PATJ: variants seen among roughly 807,000 people sequenced by gnomAD.
PATJ encodes the protein PATJ crumbs cell polarity complex component.
In PATJ, 190 loss-of-function variants were observed where a neutral mutation model predicts 224.9. The observed-to-expected ratio is 0.84, with a 90% CI of 0.75 to 0.95. The LOEUF (loss-of-function observed/expected upper bound fraction) is 0.95, where lower values mean the gene tolerates loss of function less well. Among genes scored for constraint, PATJ ranks in the 40% least tolerant of loss-of-function variants. The pLI is 0.00. For synonymous variants in PATJ, 769 were observed against 820.3 expected (o/e 0.94, Z 1.07); for missense variants, 2,121 against 2,270.3 (o/e 0.93, Z 1.34).
chr1:61,794,361 C>G (rs988716192), intron 9 of PATJ, among the ~76,000 whole-genome samples: 1 of 151,448 alleles, frequency 6.6e-6, no homozygotes, highest in Non-Finnish European at 1.5e-5. Context: ...CCCAGGCTGG[C>G]CTCAAAGTCC....
At chr1:61,958,993 A>G (rs1052799833) in intron 27 of PATJ, among the ~76,000 whole-genome samples, 1 of 152,148 alleles carries the variant, frequency 6.6e-6, no homozygotes, top group African/African-American at 2.4e-5. Flanking sequence ...TCAGTCCATA[A>G]AGAGTCCAAA....
chr1:62,093,642 A>C (rs1661044679), intron 33 of PATJ, among the ~76,000 whole-genome samples: 1 of 152,242 alleles, frequency 6.6e-6, no homozygotes, highest in African/African-American at 2.4e-5. Flanking sequence ...AATGAATAGT[A>C]CCTTTGAATT....
intron 33 of PATJ, among the ~76,000 whole-genome samples, chr1:62,085,981 A>G (rs1429758159): frequency 6.6e-6 from 1 of 151,398 alleles, no homozygotes; most frequent in African/African-American, 2.4e-5. Context: ...ATTGTTTTTT[A>G]TTTTTTTAAA....
intron 7 of PATJ, among the ~76,000 whole-genome samples, chr1:61,782,644 G>A (rs1647581615): frequency 6.6e-6 from 1 of 152,102 alleles, no homozygotes; most frequent in Admixed American, 6.6e-5. Context: ...AATATAATCA[G>A]GCCAATTCCA....
At chr1:61,803,321 C>T (rs1341996126) in intron 12 of PATJ, among the ~76,000 whole-genome samples, 1 of 151,792 alleles carries the variant, frequency 6.6e-6, no homozygotes, top group Non-Finnish European at 1.5e-5. Context: ...TTTTTTTTTA[C>T]TAATCAAAGT....
chr1:61,936,231 TATAC>T (rs59441209), intron 27 of PATJ, among the ~76,000 whole-genome samples: 6,428 of 150,954 alleles, frequency 0.043, 501 homozygotes, highest in African/African-American at 0.15. Flanking sequence ...ATAAAATATA[TATAC>T]ATATATATTT....
At chr1:61,805,666 C>T in intron 13 of PATJ, 142 bp downstream of exon 13, 1 of 590,782 alleles carries the variant, frequency 1.7e-6, no homozygotes. Context: ...CCTAGTGGAT[C>T]AATCGATTTT....
At chr1:61,997,707 AGTT>A (rs1268123014) in intron 28 of PATJ, among the ~76,000 whole-genome samples, 2 of 151,948 alleles carry the variant, frequency 1.3e-5, no homozygotes, top group Admixed American at 6.6e-5. Context: ...ATCCAGTACT[AGTT>A]TAAAACACCC....
At chr1:61,997,999 ATATAT>A (rs796425466) in intron 28 of PATJ, among the ~76,000 whole-genome samples, 1 of 99,040 alleles carries the variant, frequency 1.0e-5, no homozygotes, top group East Asian at 3.5e-4. Flanking sequence ...TGTATATATA[ATATAT>A]TATATATATT....
intron 35 of PATJ, among the ~76,000 whole-genome samples, chr1:62,115,239 G>A (rs1437903679): frequency 6.6e-6 from 1 of 152,138 alleles, no homozygotes; most frequent in Non-Finnish European, 1.5e-5. Flanking sequence ...GAACTTGGGA[G>A]GTGGAGGTTG....
At chr1:61,826,557 AC>A (rs1465736028) in intron 15 of PATJ, among the ~76,000 whole-genome samples, 20 of 152,190 alleles carry the variant, frequency 1.3e-4, no homozygotes. Context: ...AACTGACAGG[AC>A]CCTTTGAGCT....
chr1:62,106,158 G>GTGTGTGTATATATATATATATA (rs1356937495), intron 33 of PATJ, among the ~76,000 whole-genome samples: 1 of 48,064 alleles, frequency 2.1e-5, no homozygotes, highest in Non-Finnish European at 4.4e-5. Flanking sequence ...GTGTGTGTGT[G>GTGTGTGTATATATATATATATA]TATATATATA....
Position 62,148,316 on chromosome 1 carries a change from A to C in PATJ, c.5304A>C (p.Ala1768=), listed in dbSNP as rs756962079. 6.2e-7 allele frequency: 1 copy of C among 1,613,908 alleles called. No homozygotes were observed. Among genetic ancestry groups the C allele is most frequent in the African/African-American group, 1.3e-5 (1 of 74,972 alleles). ...CAGATACCAATATAAGCGCCATAGC[A>C]GCTCAGCTTGAAAACATGTCTACAG... ...VVADTNISAI[A]AQLENMSTGY... Residue 1768 remains alanine, a synonymous_variant, in exon 42 of 44, where the codon GCA becomes GCC. Coordinates refer to ENST00000642238, the MANE Select transcript of PATJ (RefSeq NM_001350145.3).
chr1:61,795,098 G>GTT (rs199829855), intron 9 of PATJ, among the ~76,000 whole-genome samples: 1 of 94,582 alleles, frequency 1.1e-5, no homozygotes, highest in African/African-American at 4.0e-5. Context: ...CATAGTGATG[G>GTT]TAAAAAAAAA....
At chr1:62,133,912 A>T (rs1204378901) in intron 41 of PATJ, among the ~76,000 whole-genome samples, 1 of 151,802 alleles carries the variant, frequency 6.6e-6, no homozygotes, top group Non-Finnish European at 1.5e-5. Context: ...ATGCCCGGCT[A>T]ATTTTTGTAT....
At chr1:62,089,764 C>A (rs1257475431) in intron 33 of PATJ, among the ~76,000 whole-genome samples, 2 of 151,574 alleles carry the variant, frequency 1.3e-5, no homozygotes, top group Non-Finnish European at 2.9e-5. Flanking sequence ...GGGATGGCAT[C>A]CAGCTAGCAG....
intron 28 of PATJ, among the ~76,000 whole-genome samples, chr1:61,997,858 C>G (rs1212328669): frequency 6.8e-6 from 1 of 147,474 alleles, no homozygotes; most frequent in Non-Finnish European, 1.5e-5. Context: ...GCTCTGTCAC[C>G]CAGGCTGGGG....
intron 10 of PATJ, among the ~76,000 whole-genome samples, chr1:61,796,680 TTCTTTC>T (rs201240106): frequency 0.099 from 3,949 of 39,862 alleles, 104 homozygotes; most frequent in East Asian, 0.21. Flanking sequence ...CTTTCTTTCT[TTCTTTC>T]TTTCTTTCTT....
chr1:61,811,814 C>A lies in PATJ; in HGVS notation c.1683+3284C>A, dbSNP rs1226866246. Among the ~76,000 whole-genome samples the A allele has an allele frequency of 2.0e-5, 3 of 151,122 alleles. No individual in the cohort carries two copies. The East Asian group carries it at 5.8e-4, about 29-fold the overall frequency. On this transcript the variant is annotated intron_variant, in intron 14 of 43. Coordinates refer to ENST00000642238, the MANE Select transcript of PATJ (RefSeq NM_001350145.3). ...CGGTGGCTCACGCCTGTAATCCCAGCACTTTGGGATGCCGAGGTGGGTGGA... is the reference window on the plus strand; with the variant it reads ...CGGTGGCTCACGCCTGTAATCCCAGAACTTTGGGATGCCGAGGTGGGTGGA...
Sources: gnomAD v4.1 joint callset for allele counts (sites outside exome capture counted in the v4.1 genomes callset) on GRCh38, gnomAD v4.1.1 for gene constraint, MANE v1.5 for transcripts, NCBI Gene and HGNC (gene_info 2026-07-23, HGNC 2026-07-21) for gene names.